C21orf58: variants seen among roughly 807,000 people sequenced by gnomAD.
C21orf58 encodes the protein chromosome 21 open reading frame 58, also known as uncharacterized protein C21orf58.
In C21orf58, 34 loss-of-function variants were observed where a neutral mutation model predicts 35.8. That is an observed-to-expected ratio of 0.95 (90% CI 0.72 to 1.26). The LOEUF is 1.26. C21orf58 is among the 50% of genes most tolerant of loss of function. The pLI, the probability that C21orf58 is intolerant of heterozygous loss-of-function variation, is 0.00. For synonymous variants in C21orf58, 191 were observed against 175.8 expected, an observed-to-expected ratio of 1.09 and a Z score of -0.68; for missense variants, 440 against 414.3, an observed-to-expected ratio of 1.06 and a Z score of -0.54.
At chr21:46,310,509 A>C (rs986651802) in intron 6 of C21orf58, among the ~76,000 whole-genome samples, 6 of 144,672 alleles carry the variant, frequency 4.1e-5, no homozygotes, top group South Asian at 4.3e-4. Flanking sequence ...AAAAAAAAAA[A>C]CAAAACTTGT....
chr21:46,302,883 C>T (rs1432646755), intron 6 of C21orf58, among the ~76,000 whole-genome samples: 1 of 75,866 alleles, frequency 1.3e-5, no homozygotes. Flanking sequence ...CGTCTGCACA[C>T]GGTGCGGGTC....
chr21:46,303,735 ATATATATATATTTTTT>A (rs1454351211), intron 6 of C21orf58, among the ~76,000 whole-genome samples: 741 of 28,114 alleles, frequency 0.026, 20 homozygotes, highest in African/African-American at 0.081. Flanking sequence ...ATATATATAT[ATATATATATATTTTTT>A]TTTTTTTTTT....
In C21orf58 at chr21:46,317,809, G is replaced by A. The variant is rs568939356; in HGVS notation, c.309+203C>T. Among the ~76,000 whole-genome samples the A allele has an allele frequency of 5.9e-5, 9 of 152,366 alleles. No individual in the cohort carries two copies. In the South Asian group the frequency reaches 1.0e-3, roughly 18 times the overall value. The stretch of plus-strand genomic sequence containing the variant: ...CCAGACCCTGTGCTCAGTGGCCTGC[G>A]AGGACAGGCAGGTCGGTCATGGGCC... On this transcript the variant is annotated intron_variant, in intron 2 of 7. Coordinates refer to ENST00000291691, the MANE Select transcript of C21orf58 (RefSeq NM_058180.5).
intron 6 of C21orf58, among the ~76,000 whole-genome samples, chr21:46,306,069 CAAAA>C (rs34976693): frequency 4.9e-5 from 6 of 122,436 alleles, no homozygotes; most frequent in Non-Finnish European, 1.7e-5. Context: ...CACTGTGACT[CAAAA>C]AAAAAAAAAA....
At position 46,302,118 on chromosome 21, in the gene C21orf58, C is replaced by T; in HGVS notation, c.850G>A (p.Ala284Thr). 1 of 1,522,052 alleles carries T rather than the reference C, an allele frequency of 6.6e-7. No individual in the cohort carries two copies. Among genetic ancestry groups the T allele is most frequent in the Non-Finnish European group, 8.8e-7 (1 of 1,134,546 alleles). The allele number at this position is 1,522,052 out of a possible 1,614,324, so 94.3% of individuals were successfully genotyped here. The change falls in exon 8 of 8, where the codon GCC becomes ACC. Residue 284 changes from alanine to threonine, a missense_variant. Physicochemically the swap from Ala to Thr is moderately conservative, Grantham distance 58. Coordinates refer to ENST00000291691, the MANE Select transcript of C21orf58 (RefSeq NM_058180.5). ...TGCACGGCAGGCAGCCTTGGCCTGG[C>T]AGCTCGTGGGACCCTCGGGGGCACA... ...PHVPPRVPRA[A>T]RPRLPAVHHH...
intron 6 of C21orf58, among the ~76,000 whole-genome samples, chr21:46,302,788 G>A (rs1437450566): frequency 1.2e-5 from 1 of 80,722 alleles, no homozygotes; most frequent in African/African-American, 5.1e-5. Flanking sequence ...CGCGCCCTGA[G>A]CCCGTCTGCA....
intron 6 of C21orf58, 135 bp downstream of exon 6, chr21:46,311,321 T>C: frequency 2.2e-6 from 1 of 450,014 alleles, no homozygotes; most frequent in Non-Finnish European, 4.1e-6. Flanking sequence ...TATATAAGGA[T>C]TTCTTAAAGT....
chr21:46,302,638 A>G (rs1375750547), intron 6 of C21orf58, 62 bp from the exon 7 acceptor site: 6 of 1,261,066 alleles, frequency 4.8e-6, no homozygotes, highest in Non-Finnish European at 5.7e-6. Context: ...TGTTAAAGTG[A>G]TAGAGCATTA....
At position 46,322,622 on chromosome 21, in the gene C21orf58, C is replaced by A; in HGVS notation, c.100+17G>T. ...TCCGAGTCTGGGAACCAGGAGACCG[C>A]TGGACACCCCGCTCACCACACAGAA... is the stretch of plus-strand genomic sequence containing the variant. On this transcript the variant is annotated intron_variant, in intron 1 of 7. Transcript: ENST00000291691. The A allele has an allele frequency of 6.6e-7, 1 of 1,515,668 alleles. No homozygotes were observed. The highest frequency in any genetic ancestry group is 8.9e-7 in the Non-Finnish European group (1 of 1,127,940). 93.9% of individuals were successfully genotyped at this position (1,515,668 alleles called of 1,614,324 possible).
Position 46,314,895 on chromosome 21 carries a change from C to T in C21orf58, c.445-15G>A. ...AGGTGTTGTTCCTGCAAGGCCGATG[C>T]AGAGCTGCTGCACACGGGGACGGGG... On this transcript the variant is annotated splice_polypyrimidine_tract_variant and intron_variant, in intron 4 of 7. Transcript: ENST00000291691. 3 of 1,550,452 alleles carry T rather than the reference C, an allele frequency of 1.9e-6. No individual in the cohort carries two copies. Among genetic ancestry groups the T allele is most frequent in the Non-Finnish European group, 2.6e-6 (3 of 1,146,944 alleles).
intron 6 of C21orf58, 100 bp downstream of exon 6, chr21:46,311,356 C>T: frequency 3.7e-6 from 2 of 536,116 alleles, no homozygotes; most frequent in East Asian, 6.3e-5. Context: ...TGTTGAACAG[C>T]CAAAAGCTGG....
chr21:46,312,922 A>C (rs1405679841), intron 5 of C21orf58: 1 of 867,022 alleles, frequency 1.2e-6, no homozygotes, highest in Non-Finnish European at 1.4e-6. Context: ...CATGAAAATG[A>C]ACTTTGGTTT....
chr21:46,312,994 C>T (rs1210008676), intron 5 of C21orf58: 1 of 985,302 alleles, frequency 1.0e-6, no homozygotes, highest in African/African-American at 1.7e-5. Context: ...TCTGTTTTAT[C>T]CTCTTCTAGC....
downstream of C21orf58, chr21:46,300,828 A>G (rs1430399054): frequency 1.0e-5 from 13 of 1,247,062 alleles, no homozygotes; most frequent in Non-Finnish European, 1.4e-5. Flanking sequence ...TATGTATACT[A>G]CTTAAAAATA....
At position 46,323,786 on chromosome 21, in the gene C21orf58, C is replaced by T. The variant is rs1347932910; in HGVS notation, c.-1048G>A. 1.3e-5 allele frequency: 4 copies of T among 296,968 alleles called. No individual in the cohort carries two copies. In the East Asian group the frequency reaches 4.2e-4, roughly 31 times the overall value. The allele number at this position is 296,968 out of a possible 1,614,324, so 18.4% of individuals were successfully genotyped here. On this transcript the variant is annotated 5_prime_UTR_variant, in exon 1 of 8. Transcript: ENST00000291691. Reference sequence around the variant, plus strand: ...TTGCTGAGCACCGTTCGGCGCCGCCCGCGCCTGCAGGGAGCCCGGCCCGCT... The same window carrying T: ...TTGCTGAGCACCGTTCGGCGCCGCCTGCGCCTGCAGGGAGCCCGGCCCGCT...
At chr21:46,318,394 C>T in intron 1 of C21orf58, 174 bp from the exon 2 acceptor site, 1 of 1,435,142 alleles carries the variant, frequency 7.0e-7, no homozygotes, top group Non-Finnish European at 9.1e-7. Flanking sequence ...CACTCATCCC[C>T]AGGTGTGGCC....
At chr21:46,321,182 T>A (rs902754764) in intron 1 of C21orf58, among the ~76,000 whole-genome samples, 6 of 148,276 alleles carry the variant, frequency 4.0e-5, no homozygotes, top group Non-Finnish European at 9.2e-5. Context: ...ATATATATTT[T>A]TTTTGAGACA....
chr21:46,313,672 A>G (rs2082842243), intron 5 of C21orf58, among the ~76,000 whole-genome samples: 1 of 152,204 alleles, frequency 6.6e-6, no homozygotes, highest in Non-Finnish European at 1.5e-5. Context: ...GCTGGAAGAC[A>G]GGAAGGCACA....
intron 1 of C21orf58, among the ~76,000 whole-genome samples, chr21:46,319,797 T>C (rs1213671149): frequency 6.6e-6 from 1 of 151,876 alleles, no homozygotes; most frequent in Non-Finnish European, 1.5e-5. Context: ...CTCGGGAGGC[T>C]GAGGCAGGAG....
Sources: gnomAD v4.1 joint callset for allele counts (sites outside exome capture counted in the v4.1 genomes callset) on GRCh38, gnomAD v4.1.1 for gene constraint, MANE v1.5 for transcripts, NCBI Gene and HGNC (gene_info 2026-07-23, HGNC 2026-07-21) for gene names.